The following BLK variants were observed in gnomAD, a reference collection of about 807,000 sequenced individuals.
BLK encodes the protein tyrosine-protein kinase Blk.
A neutral mutation model predicts 61.8 loss-of-function variants in BLK; 64 were observed. The ratio of observed to expected loss-of-function variants is 1.03; its 90% CI spans 0.85 to 1.27. BLK has a LOEUF of 1.27. Among genes scored for constraint, BLK ranks in the 50% most tolerant of loss-of-function variants. The pLI is 0.00. For missense variants in BLK, 853 were observed against 660.5 expected (o/e 1.29, Z -3.19); for synonymous variants, 351 against 272.0 (o/e 1.29, Z -2.86).
rs1483174276 is a variant in BLK at position 11,545,935 on chromosome 8, T to C, written c.124-117T>C. ...AGCAGCCCCCACAGGCAGCTGCCTC[T>C]CCTCCTTCAGTAGGTCCCTGGAGAT... On this transcript the variant is annotated intron_variant, in intron 2 of 12. Coordinates refer to ENST00000259089, the MANE Select transcript of BLK (RefSeq NM_001715.3). The C allele has an allele frequency of 3.7e-6, 4 of 1,083,646 alleles. No homozygotes were observed. In the African/African-American group the frequency reaches 6.2e-5, roughly 17 times the overall value. The allele number at this position is 1,083,646 out of a possible 1,614,324, so 67.1% of individuals were successfully genotyped here. A position where few individuals can be genotyped will look rare whatever the true frequency, so the allele number is the denominator to read the frequency against.
chr8:11,518,262 A>G (rs937195751), intron 1 of BLK, among the ~76,000 whole-genome samples: 3 of 152,168 alleles, frequency 2.0e-5, no homozygotes, highest in African/African-American at 7.2e-5. Context: ...CACCAGATGG[A>G]TTGCTTTTTA....
rs541560946 is a variant in BLK, at chr8:11,496,387, G to A, written c.-2+1796G>A. Among the ~76,000 whole-genome samples the A allele has an allele frequency of 5.4e-4, 82 of 152,230 alleles. No individual in the cohort carries two copies. The Middle Eastern group carries it at 0.01, about 19-fold the overall frequency. ...CCTGAGTAGCTGGGACCACAGGTACGCCACTGTATCTGGCTAATTTTTTAA... is the reference window on the plus strand; with the variant it reads ...CCTGAGTAGCTGGGACCACAGGTACACCACTGTATCTGGCTAATTTTTTAA... On this transcript the variant is annotated intron_variant, in intron 1 of 12. Transcript: ENST00000259089.
At position 11,564,186 on chromosome 8, in the gene BLK, G is replaced by A; in HGVS notation, c.*78G>A. On this transcript the variant is annotated 3_prime_UTR_variant, in exon 13 of 13. Transcript: ENST00000259089. ...TTCCGTGCCATCCCAGACGGGCCGC[G>A]AAGGCGGGGTGTCGCCTGTGCCCTT... is the stretch of plus-strand genomic sequence containing the variant. 6.7e-7 allele frequency: 1 copy of A among 1,485,980 alleles called. No individual in the cohort carries two copies. Among genetic ancestry groups the A allele is most frequent in the Non-Finnish European group, 9.1e-7 (1 of 1,103,774 alleles). The allele number at this position is 1,485,980 out of a possible 1,614,324, so 92.0% of individuals were successfully genotyped here.
At chr8:11,561,539 C>A in intron 11 of BLK, 87 bp downstream of exon 11, 1 of 1,522,934 alleles carries the variant, frequency 6.6e-7, no homozygotes. Flanking sequence ...CCCAGCACAG[C>A]CCTGAGGGAA....
chr8:11,498,585 G>A (rs1798442002), intron 1 of BLK, among the ~76,000 whole-genome samples: 1 of 152,212 alleles, frequency 6.6e-6, no homozygotes, highest in African/African-American at 2.4e-5. Context: ...CATCTGAGTG[G>A]TCTCGTCCTG....
intron 11 of BLK, among the ~76,000 whole-genome samples, chr8:11,562,691 T>C (rs953318500): frequency 1.3e-5 from 2 of 152,260 alleles, no homozygotes; most frequent in Non-Finnish European, 2.9e-5. Context: ...GGAAACGTGG[T>C]GGCTGCCCAT....
chr8:11,512,956 C>T (rs769866226), intron 1 of BLK, among the ~76,000 whole-genome samples: 1 of 152,188 alleles, frequency 6.6e-6, no homozygotes, highest in Admixed American at 6.5e-5. Context: ...CGTGAGCCAC[C>T]GCGGCTGGTC....
intron 1 of BLK, among the ~76,000 whole-genome samples, chr8:11,527,405 C>G (rs1799701081): frequency 6.6e-6 from 1 of 152,148 alleles, no homozygotes; most frequent in African/African-American, 2.4e-5. Flanking sequence ...GTTCATACCC[C>G]TTATGCTACC....
intron 1 of BLK, among the ~76,000 whole-genome samples, chr8:11,495,441 G>A (rs1379862342): frequency 6.6e-6 from 1 of 152,176 alleles, no homozygotes; most frequent in African/African-American, 2.4e-5. Flanking sequence ...CTCTGTAGAG[G>A]AGAAACCTGC....
At chr8:11,499,790 A>G (rs753567341) in intron 1 of BLK, among the ~76,000 whole-genome samples, 1 of 152,126 alleles carries the variant, frequency 6.6e-6, no homozygotes, top group Non-Finnish European at 1.5e-5. Flanking sequence ...CCCAATTTGC[A>G]TCTAACCACT....
chr8:11,539,604 A>G (rs1800283861), intron 1 of BLK, among the ~76,000 whole-genome samples: 1 of 152,206 alleles, frequency 6.6e-6, no homozygotes, highest in African/African-American at 2.4e-5. Flanking sequence ...ACAGAATTTA[A>G]AAGATTGCCC....
intron 1 of BLK, among the ~76,000 whole-genome samples, chr8:11,528,952 G>A (rs904882599): frequency 3.9e-5 from 6 of 152,118 alleles, no homozygotes; most frequent in African/African-American, 9.7e-5. Context: ...GCCTATTGGG[G>A]AGCGGGAAGG....
intron 1 of BLK, among the ~76,000 whole-genome samples, chr8:11,505,985 C>T (rs550673083): frequency 6.6e-6 from 1 of 152,364 alleles, no homozygotes; most frequent in African/African-American, 2.4e-5. Flanking sequence ...CTTCCTCTCG[C>T]CCTGCTCCTG....
chr8:11,536,408 T>C (rs887930333), intron 1 of BLK, among the ~76,000 whole-genome samples: 1 of 152,204 alleles, frequency 6.6e-6, no homozygotes, highest in African/African-American at 2.4e-5. Context: ...TATTTATTTT[T>C]TTGAGACAGT....
At chr8:11,517,689 CT>C (rs1438849225) in intron 1 of BLK, among the ~76,000 whole-genome samples, 2 of 152,282 alleles carry the variant, frequency 1.3e-5, no homozygotes, top group East Asian at 3.9e-4. Flanking sequence ...CAGGGGACGG[CT>C]TCAGCTCCCG....
rs116531475 is a variant in BLK at position 11,519,581 on chromosome 8, G to A, written c.-1-23643G>A. Among the ~76,000 whole-genome samples, 445 of 152,270 alleles carry A rather than the reference G, an allele frequency of 2.9e-3. 2 individuals are homozygous for A. The highest frequency in any genetic ancestry group is 0.01 in the African/African-American group (423 of 41,538). On this transcript the variant is annotated intron_variant, in intron 1 of 12. Coordinates refer to ENST00000259089, the MANE Select transcript of BLK (RefSeq NM_001715.3). ...CATACAAAAGTTTATGTACAGCATC[G>A]TAACAGTTCATGCTTATTTAGAGGA...
intron 1 of BLK, among the ~76,000 whole-genome samples, chr8:11,530,051 C>A (rs1006728931): frequency 6.6e-6 from 1 of 152,198 alleles, no homozygotes; most frequent in African/African-American, 2.4e-5. Flanking sequence ...TTACTAAAGA[C>A]AAGACCAATT....
At position 11,550,209 on chromosome 8, in the gene BLK, C is replaced by G; in HGVS notation, c.419C>G (p.Ala140Gly). Residue 140 changes from alanine to glycine, a missense_variant, in exon 6 of 13, where the codon GCT becomes GGT. Coordinates refer to ENST00000259089, the MANE Select transcript of BLK (RefSeq NM_001715.3). Reference sequence around the variant, plus strand: ...AAGGAGGCTGAGAGGCAGCTTCTTGCTCCAATCAACAAGGCCGGCTCCTTT... The same window carrying G: ...AAGGAGGCTGAGAGGCAGCTTCTTGGTCCAATCAACAAGGCCGGCTCCTTT... ...GRKEAERQLL[A>G]PINKAGSFLI... is the part of the protein sequence containing the mutation. 1.2e-6 allele frequency: 2 copies of G among 1,614,166 alleles called. No homozygotes were observed. Among genetic ancestry groups the G allele is most frequent in the South Asian group, 2.2e-5 (2 of 91,086 alleles).
intron 1 of BLK, among the ~76,000 whole-genome samples, chr8:11,526,333 A>G (rs1041956558): frequency 6.6e-6 from 1 of 152,220 alleles, no homozygotes; most frequent in Non-Finnish European, 1.5e-5. Context: ...TTTAGGCAGT[A>G]TCTGAAGTTA....
Sources: allele counts gnomAD v4.1 joint callset (sites outside exome capture counted in the v4.1 genomes callset), GRCh38; gene constraint gnomAD v4.1.1; transcripts MANE v1.5; gene names NCBI Gene and HGNC (gene_info 2026-07-23, HGNC 2026-07-21).